Variants in GPHN observed in about 807,000 individuals in gnomAD.
GPHN encodes the protein gephyrin.
GPHN carries 17 observed loss-of-function variants against 95.5 expected under a neutral mutation model. The ratio of observed to expected loss-of-function variants is 0.18; its 90% CI spans 0.12 to 0.27. The LOEUF is 0.27. Ranked by LOEUF, GPHN falls within the 10% of genes least tolerant of loss-of-function variation. GPHN has a pLI of 1.00. For missense variants in GPHN, 660 were observed against 978.1 expected (o/e 0.67, Z 4.34); for synonymous variants, 320 against 322.5 (o/e 0.99, Z 0.08).
chr14:67,373,462 A>G, the GPHN span, among the ~76,000 whole-genome samples: 10 of 152,228 alleles, frequency 6.6e-5, no homozygotes, highest in African/African-American at 2.2e-4. Flanking sequence ...CCCATTCATA[A>G]TAAGTCAGCA....
At chr14:67,244,187 A>G in the GPHN span, among the ~76,000 whole-genome samples, 2 of 152,182 alleles carry the variant, frequency 1.3e-5, no homozygotes, top group African/African-American at 2.4e-5. Flanking sequence ...TAATATTTCA[A>G]ACAATGTTTA....
intron 11 of GPHN, among the ~76,000 whole-genome samples, chr14:67,088,691 G>A (rs1368605784): frequency 6.6e-6 from 1 of 152,174 alleles, no homozygotes; most frequent in Non-Finnish European, 1.5e-5. Context: ...TCATATTTGG[G>A]TTGTTAAAGG....
chr14:67,644,532 C>T, the GPHN span, among the ~76,000 whole-genome samples: 14,173 of 152,180 alleles, frequency 0.093, 862 homozygotes, highest in Non-Finnish European at 0.13. Flanking sequence ...AGGATGGTTG[C>T]AGTCCTAAGA....
chr14:67,653,635 C>A, the GPHN span: 1 of 698,990 alleles, frequency 1.4e-6, no homozygotes, highest in African/African-American at 1.8e-5. Flanking sequence ...AAATGATGGC[C>A]TTTGAGTGTA....
Position 66,508,447 on chromosome 14 carries a change from C to T in GPHN, c.-81C>T. ...GGCTCCCTAGCTGTCGCGCTCTCCT[C>T]GGCGAGCGCGCTCCCGGCCCGCGCG... On this transcript the variant is annotated 5_prime_UTR_variant, in exon 1 of 23. Transcript: ENST00000478722. The T allele has an allele frequency of 7.7e-7, 1 of 1,295,494 alleles. No homozygotes were observed. The highest frequency in any genetic ancestry group is 1.1e-6 in the Non-Finnish European group (1 of 889,754). The allele number at this position is 1,295,494 out of a possible 1,614,324, so 80.2% of individuals were successfully genotyped here.
the GPHN span, among the ~76,000 whole-genome samples, chr14:67,416,702 A>G: frequency 6.6e-6 from 1 of 152,272 alleles, no homozygotes. Context: ...GGACAGTGCC[A>G]TGGGTGACAC....
At chr14:67,323,026 T>G in the GPHN span, among the ~76,000 whole-genome samples, 9 of 152,160 alleles carry the variant, frequency 5.9e-5, no homozygotes, top group African/African-American at 2.2e-4. Flanking sequence ...ACTTGTATGA[T>G]TCTAATTGCT....
chr14:67,161,659 G>A (rs1309928478), intron 19 of GPHN, among the ~76,000 whole-genome samples: 1 of 151,998 alleles, frequency 6.6e-6, no homozygotes, highest in African/African-American at 2.4e-5. Context: ...TACTTGGGAG[G>A]CTAAGGCGAG....
At chr14:66,774,298 G>A (rs576323521) in intron 2 of GPHN, among the ~76,000 whole-genome samples, 4 of 152,130 alleles carry the variant, frequency 2.6e-5, no homozygotes, top group East Asian at 1.9e-4. Context: ...CACCGCGCCC[G>A]GCCATATCTA....
At chr14:66,849,965 A>T (rs1221832820) in intron 4 of GPHN, among the ~76,000 whole-genome samples, 2 of 152,150 alleles carry the variant, frequency 1.3e-5, no homozygotes, top group Non-Finnish European at 2.9e-5. Context: ...TTATATCCTG[A>T]ATCAAAGGCA....
chr14:67,046,472 A>G (rs2075025395), intron 10 of GPHN, among the ~76,000 whole-genome samples: 1 of 152,214 alleles, frequency 6.6e-6, no homozygotes, highest in Admixed American at 6.5e-5. Context: ...TGAGACTGAA[A>G]GGAAAGCAAA....
At chr14:67,429,530 G>A in the GPHN span, among the ~76,000 whole-genome samples, 1 of 149,194 alleles carries the variant, frequency 6.7e-6, no homozygotes, top group Non-Finnish European at 1.5e-5. Context: ...GAGGTCAGGA[G>A]TTTGAGACCA....
At chr14:67,256,968 C>G in the GPHN span, among the ~76,000 whole-genome samples, 1 of 152,150 alleles carries the variant, frequency 6.6e-6, no homozygotes, top group Admixed American at 6.6e-5. Flanking sequence ...TGTGACACAG[C>G]CTCAGGAGGT....
chr14:66,730,213 A>T (rs949811266), intron 2 of GPHN, among the ~76,000 whole-genome samples: 2 of 152,128 alleles, frequency 1.3e-5, no homozygotes, highest in Non-Finnish European at 2.9e-5. Flanking sequence ...TTGTGCTTAA[A>T]CGTGGTTTCC....
chr14:67,563,765 G>GA, the GPHN span, among the ~76,000 whole-genome samples: 1 of 128,772 alleles, frequency 7.8e-6, no homozygotes, highest in South Asian at 2.5e-4. Context: ...ACAGAGTCTT[G>GA]CTCTGTCACC....
At chr14:66,701,338 A>G (rs2068536124) in intron 2 of GPHN, among the ~76,000 whole-genome samples, 1 of 152,214 alleles carries the variant, frequency 6.6e-6, no homozygotes, top group African/African-American at 2.4e-5. Context: ...TTGTTTATTT[A>G]TAACTAATAC....
At chr14:67,017,443 C>G (rs2073376571) in intron 9 of GPHN, among the ~76,000 whole-genome samples, 1 of 152,036 alleles carries the variant, frequency 6.6e-6, no homozygotes, top group South Asian at 2.1e-4. Context: ...GTAAACGGGT[C>G]CCTTTTTCTC....
chr14:67,459,371 G>A, the GPHN span, among the ~76,000 whole-genome samples: 2 of 152,176 alleles, frequency 1.3e-5, no homozygotes, highest in Non-Finnish European at 2.9e-5. Flanking sequence ...CTAACCATTA[G>A]AGTCTGATAG....
chr14:67,318,713 A>G, the GPHN span, among the ~76,000 whole-genome samples: 1 of 152,180 alleles, frequency 6.6e-6, no homozygotes, highest in Non-Finnish European at 1.5e-5. Context: ...GGCAGTAACT[A>G]TATGATGTTG....
Sources: gnomAD v4.1 joint callset for allele counts (sites outside exome capture counted in the v4.1 genomes callset) on GRCh38, gnomAD v4.1.1 for gene constraint, MANE v1.5 for transcripts, NCBI Gene and HGNC (gene_info 2026-07-23, HGNC 2026-07-21) for gene names.